MYT1: variants seen among roughly 807,000 people sequenced by gnomAD.
MYT1 encodes the protein myelin transcription factor 1, also known as myelin transcription factor I.
In MYT1, 23 loss-of-function variants were observed where a neutral mutation model predicts 123.0. That is an observed-to-expected ratio of 0.19 (90% confidence interval 0.13 to 0.26). The LOEUF is 0.26. Among genes scored for constraint, MYT1 ranks in the 10% least tolerant of loss-of-function variants. MYT1 has a pLI of 1.00. For missense variants in MYT1, 1,125 were observed against 1,472.5 expected, an observed-to-expected ratio of 0.76 and a Z score of 3.86; for synonymous variants, 518 against 575.3, an observed-to-expected ratio of 0.90 and a Z score of 1.43.
intron 18 of MYT1, among the ~76,000 whole-genome samples, chr20:64,230,161 C>A (rs748316553): frequency 4.0e-4 from 61 of 152,168 alleles, no homozygotes; most frequent in African/African-American, 1.4e-3. Flanking sequence ...TTCAAGGGAA[C>A]AAAAACAGTT....
At chr20:64,172,202 A>G (rs1324630666) in intron 1 of MYT1, among the ~76,000 whole-genome samples, 1 of 151,460 alleles carries the variant, frequency 6.6e-6, no homozygotes, top group Non-Finnish European at 1.5e-5. Flanking sequence ...CTAAGCCTGT[A>G]GAGCAGCAGA....
In MYT1 at chr20:64,213,804, G is replaced by A. The variant is rs572688955; in HGVS notation, c.1631+157G>A. On this transcript the variant is annotated intron_variant, in intron 10 of 22. Transcript: ENST00000328439. The surrounding 1 kb of genome is among the most constrained non-coding windows in gnomAD (Gnocchi z 5.6). ...GTGCATGTGAGTGTGCACATGCCCC[G>A]GGCCCCCCAGGAGCAGAACTGCGGG... 6.6e-6 allele frequency among the ~76,000 whole-genome samples: 1 copy of A among 152,056 alleles called. No individual in the cohort carries two copies. The highest frequency in any genetic ancestry group is 2.4e-5 in the African/African-American group (1 of 41,538).
Position 64,237,323 on chromosome 20 carries a change from A to G in MYT1, c.3026A>G (p.Gln1009Arg), listed in dbSNP as rs1444733309. The change falls in exon 21 of 23, where the codon CAG becomes CGG. Residue 1009 changes from glutamine (Q) to arginine (R), a missense_variant. Around this residue, in one of 4 missense-constraint regions of MYT1, gnomAD observed 243 missense variants for 323.1 expected, o/e 0.75. Transcript: ENST00000328439. ...ENDEEIKQLN[Q>R]EIRDLNESNS... ...GATGAGGAGATCAAGCAGCTGAACC[A>G]GGAGATCCGAGACCTGAACGAGTCC... is the stretch of plus-strand genomic sequence containing the variant. The G allele has an allele frequency of 3.7e-6, 6 of 1,611,240 alleles. No individual in the cohort carries two copies. The highest frequency in any genetic ancestry group is 5.1e-6 in the Non-Finnish European group (6 of 1,179,348).
intron 18 of MYT1, among the ~76,000 whole-genome samples, chr20:64,230,316 C>A (rs1005449650): frequency 6.6e-6 from 1 of 152,038 alleles, no homozygotes; most frequent in Non-Finnish European, 1.5e-5. Flanking sequence ...AGTTCGAGAC[C>A]AGCCCGGCCA....
intron 1 of MYT1, among the ~76,000 whole-genome samples, 182 bp downstream of exon 1, chr20:64,164,921 TCTC>T (rs1049286037): frequency 6.6e-6 from 1 of 152,020 alleles, no homozygotes; most frequent in African/African-American, 2.4e-5. Context: ...GGGGCTTTCT[TCTC>T]CTCCCTGGCC....
chr20:64,229,997 A>C (rs1433082646), intron 18 of MYT1, among the ~76,000 whole-genome samples: 1 of 151,988 alleles, frequency 6.6e-6, no homozygotes. Flanking sequence ...ACACTAGCTC[A>C]CCCAAGAAGC....
rs900279430 is a variant in MYT1, at chr20:64,186,789, C to T, written c.-98-3274C>T. Among the ~76,000 whole-genome samples, 6 of 151,984 alleles carry T rather than the reference C, an allele frequency of 3.9e-5. No individual in the cohort carries two copies. In the East Asian group the frequency reaches 7.7e-4, roughly 20 times the overall value. On this transcript the variant is annotated intron_variant, in intron 1 of 22. Coordinates refer to ENST00000328439, the MANE Select transcript of MYT1 (RefSeq NM_004535.3). The surrounding 1 kb of genome is among the most constrained non-coding windows in gnomAD (Gnocchi z 4.3). ...CCCGTGGCCCCGGCATCCACGTTTC[C>T]GTGGAGACTTTTCCTGTAGCCTGTG...
intron 1 of MYT1, among the ~76,000 whole-genome samples, chr20:64,184,116 G>A (rs560260672): frequency 2.6e-5 from 4 of 152,084 alleles, no homozygotes; most frequent in Admixed American, 1.3e-4. Flanking sequence ...CACTGCTCCC[G>A]GCCGACAGTG....
rs988056124 is a variant in MYT1, at chr20:64,192,053, G to A, written c.-1+1893G>A. On this transcript the variant is annotated intron_variant, in intron 2 of 22. Transcript: ENST00000328439. The surrounding 1 kb of genome is among the most constrained non-coding windows in gnomAD (Gnocchi z 5.3). ...TCTGGTGCCATGTCAGGGGTGGGTC[G>A]GAAGACTTTTGTCTCCCCCTGGCCC... Among the ~76,000 whole-genome samples the A allele has an allele frequency of 1.4e-4, 22 of 152,194 alleles. No homozygotes were observed. The highest frequency in any genetic ancestry group is 8.3e-4 in the South Asian group (4 of 4,812).
At chr20:64,226,570 G>A (rs1299476047) in intron 16 of MYT1, among the ~76,000 whole-genome samples, 2 of 152,206 alleles carry the variant, frequency 1.3e-5, no homozygotes, top group Non-Finnish European at 2.9e-5. Context: ...GGCACAGAGA[G>A]CAGGCCTGAC....
chr20:64,181,522 T>C (rs1389059079), intron 1 of MYT1, among the ~76,000 whole-genome samples: 1 of 152,240 alleles, frequency 6.6e-6, no homozygotes, highest in East Asian at 1.9e-4. Flanking sequence ...ACAATGGTAT[T>C]AAGCCTTCCC....
chr20:64,240,250 C>T (rs1428690039), intron 22 of MYT1, 70 bp from the exon 23 acceptor site: 5 of 1,574,150 alleles, frequency 3.2e-6, no homozygotes, highest in Non-Finnish European at 4.3e-6. Context: ...GTTTGATGCT[C>T]CCACATCAGG....
chr20:64,183,273 C>G (rs1274468848), intron 1 of MYT1, among the ~76,000 whole-genome samples: 1 of 152,220 alleles, frequency 6.6e-6, no homozygotes, highest in African/African-American at 2.4e-5. Flanking sequence ...ATCACCCATT[C>G]AGCAGTTGAT....
intron 16 of MYT1, among the ~76,000 whole-genome samples, chr20:64,223,662 C>T (rs1239782246): frequency 3.3e-5 from 5 of 152,180 alleles, no homozygotes; most frequent in Non-Finnish European, 7.3e-5. Context: ...CCTGAAGATC[C>T]CCGACAGGGC....
chr20:64,207,781 G>T lies in MYT1; in HGVS notation c.585G>T (p.Val195=), dbSNP rs372778500. 1 of 1,613,814 alleles carries T rather than the reference G, an allele frequency of 6.2e-7. No individual in the cohort carries two copies. The highest frequency in any genetic ancestry group is 1.3e-5 in the African/African-American group (1 of 74,866). ...CGGCCAAGCCAGGTCCTGGCATTGT[G>T]CACCTGCTTCAGGAGGCTGCAGAGG... ...GQAAKPGPGI[V]HLLQEAAEGA... Residue 195 remains valine (V), a synonymous_variant, in exon 7 of 23, where the codon GTG becomes GTT. Transcript: ENST00000328439.
At chr20:64,221,296 G>A (rs1476907498) in intron 13 of MYT1, among the ~76,000 whole-genome samples, 1 of 152,118 alleles carries the variant, frequency 6.6e-6, no homozygotes, top group African/African-American at 2.4e-5. Context: ...TGGCCCCTCC[G>A]TGGGAGGGAC....
At chr20:64,228,263 T>C (rs530028429) in intron 18 of MYT1, among the ~76,000 whole-genome samples, 1 of 152,362 alleles carries the variant, frequency 6.6e-6, no homozygotes, top group South Asian at 2.1e-4. Flanking sequence ...AGCACCCTTC[T>C]ACCTATGTCT....
In MYT1 at chr20:64,233,188, T is replaced by C. The variant is rs878985939; in HGVS notation, c.2897+803T>C. On this transcript the variant is annotated intron_variant, in intron 19 of 22. Transcript: ENST00000328439. ...TTCCCTTTCCCTCCCCTCTCCCCTT[T>C]CCTCCCCTCTCCCTTCCCCTATCCC... Among the ~76,000 whole-genome samples the C allele has an allele frequency of 7.1e-3, 613 of 86,510 alleles. 24 individuals are homozygous for C. The highest frequency in any genetic ancestry group is 0.07 in the East Asian group (145 of 2,082). 56.8% of individuals were successfully genotyped at this position (86,510 alleles called of 152,430 possible).
At chr20:64,210,774 G>A (rs1983643029) in intron 7 of MYT1, among the ~76,000 whole-genome samples, 1 of 152,238 alleles carries the variant, frequency 6.6e-6, no homozygotes, top group African/African-American at 2.4e-5. Context: ...GATTAGTCAT[G>A]CAGCCTTGGA....
Sources: gnomAD v4.1 joint callset for allele counts (sites outside exome capture counted in the v4.1 genomes callset) on GRCh38, gnomAD v4.1.1 for gene constraint, gnomAD v4.1.1 regional missense constraint, Gnocchi (gnomAD v3.1) non-coding constraint, MANE v1.5 for transcripts, NCBI Gene and HGNC (gene_info 2026-07-23, HGNC 2026-07-21) for gene names.